GRID2: variants seen among roughly 807,000 people sequenced by gnomAD.
GRID2 encodes the protein glutamate ionotropic receptor delta type subunit 2, also known as glutamate receptor ionotropic, delta-2.
GRID2 carries 33 observed loss-of-function variants against 114.8 expected under a neutral mutation model. That is an observed-to-expected ratio of 0.29 (90% CI 0.22 to 0.38). GRID2 has a LOEUF of 0.38. GRID2 is among the 10% of genes least tolerant of loss of function. The pLI is 1.00. For synonymous variants in GRID2, 505 were observed against 449.9 expected, an observed-to-expected ratio of 1.12 and a Z score of -1.55; for missense variants, 1,184 against 1,257.7, an observed-to-expected ratio of 0.94 and a Z score of 0.89.
chr4:93,184,655 G>A (rs1560961887), intron 4 of GRID2, among the ~76,000 whole-genome samples: 1 of 152,100 alleles, frequency 6.6e-6, no homozygotes, highest in East Asian at 1.9e-4. Flanking sequence ...AGTCCAAGGT[G>A]GGCGGATCAA....
At chr4:92,882,728 T>C (rs1434450655) in intron 2 of GRID2, among the ~76,000 whole-genome samples, 1 of 152,214 alleles carries the variant, frequency 6.6e-6, no homozygotes, top group East Asian at 1.9e-4. Context: ...TCCCAGTGCA[T>C]GTGCATATAA....
rs558587238 is a variant in GRID2 at position 93,226,012 on chromosome 4, C to T, written c.1125+1237C>T. ...CATTATATGGGCATTAATCTATTTA[C>T]GAGGTGGCATCCTCATGATCTAATC... On this transcript the variant is annotated intron_variant, in intron 7 of 15. Transcript: ENST00000282020. 2.6e-5 allele frequency among the ~76,000 whole-genome samples: 4 copies of T among 152,230 alleles called. No individual in the cohort carries two copies. In the South Asian group the frequency reaches 6.2e-4, roughly 24 times the overall value.
chr4:92,340,611 GTAAA>G (rs1050294476), intron 1 of GRID2, among the ~76,000 whole-genome samples: 1 of 152,132 alleles, frequency 6.6e-6, no homozygotes, highest in African/African-American at 2.4e-5. Context: ...AAAATTCAAT[GTAAA>G]TAAATAGTTC....
chr4:92,719,905 G>A (rs1319131988), intron 2 of GRID2, among the ~76,000 whole-genome samples: 1 of 152,092 alleles, frequency 6.6e-6, no homozygotes, highest in African/African-American at 2.4e-5. Flanking sequence ...ACTAGCAATA[G>A]ATAGGTGTTC....
chr4:93,311,786 T>C (rs1352218765), intron 8 of GRID2, among the ~76,000 whole-genome samples: 2 of 152,172 alleles, frequency 1.3e-5, no homozygotes, highest in Non-Finnish European at 2.9e-5. Flanking sequence ...CAAATGATGC[T>C]TTGTGTTAAA....
intron 2 of GRID2, among the ~76,000 whole-genome samples, chr4:92,955,446 C>T (rs1752331879): frequency 6.6e-6 from 1 of 152,028 alleles, no homozygotes; most frequent in Non-Finnish European, 1.5e-5. Flanking sequence ...GTCCTTTGCC[C>T]ACTTTTTGAT....
chr4:93,000,030 G>A (rs888565183), intron 2 of GRID2, among the ~76,000 whole-genome samples: 3 of 151,600 alleles, frequency 2.0e-5, no homozygotes, highest in Admixed American at 6.6e-5. Flanking sequence ...GAGAATTTCA[G>A]TTAAATGTAA....
chr4:92,812,501 A>G lies in GRID2; in HGVS notation c.244+222215A>G, dbSNP rs866165587. ...TGAAACCATACATCATATAAATGCA[A>G]ATTTTACATGTATATTTTCATTACA... On this transcript the variant is annotated intron_variant, in intron 2 of 15. Coordinates refer to ENST00000282020, the MANE Select transcript of GRID2 (RefSeq NM_001510.4). Among the ~76,000 whole-genome samples, 32 of 152,174 alleles carry G rather than the reference A, an allele frequency of 2.1e-4. 1 individual carries two copies. The Middle Eastern group carries it at 0.01, about 49-fold the overall frequency.
intron 1 of GRID2, among the ~76,000 whole-genome samples, chr4:92,564,977 CATTGTT>C (rs1430779657): frequency 6.6e-6 from 1 of 151,798 alleles, no homozygotes; most frequent in African/African-American, 2.4e-5. Context: ...AAGTGATCAC[CATTGTT>C]ATTGGCTTTA....
intron 8 of GRID2, among the ~76,000 whole-genome samples, chr4:93,337,529 C>G (rs78990948): frequency 3.9e-3 from 601 of 152,304 alleles, no homozygotes; most frequent in Admixed American, 7.5e-3. Context: ...AATGACTGCT[C>G]TTTGCTTCGA....
At chr4:93,341,095 C>CT (rs1460489875) in intron 8 of GRID2, among the ~76,000 whole-genome samples, 3 of 151,998 alleles carry the variant, frequency 2.0e-5, no homozygotes, top group Non-Finnish European at 2.9e-5. Flanking sequence ...AGAAATCTTT[C>CT]TTTTTTCAAA....
chr4:92,943,047 C>T (rs963559065), intron 2 of GRID2, among the ~76,000 whole-genome samples: 6 of 152,072 alleles, frequency 3.9e-5, no homozygotes, highest in African/African-American at 1.4e-4. Context: ...AATTATGTGT[C>T]TTGGAGTTGC....
At chr4:93,469,444 TTTA>T (rs1211089119) in intron 11 of GRID2, among the ~76,000 whole-genome samples, 2 of 151,876 alleles carry the variant, frequency 1.3e-5, no homozygotes, top group African/African-American at 2.4e-5. Flanking sequence ...ATTGAATATT[TTTA>T]TTATTTTTAT....
At chr4:93,375,372 C>G (rs934557125) in intron 8 of GRID2, among the ~76,000 whole-genome samples, 1 of 151,898 alleles carries the variant, frequency 6.6e-6, no homozygotes, top group Non-Finnish European at 1.5e-5. Context: ...ACCACCACGC[C>G]CGGCTAATTT....
chr4:93,386,232 C>G (rs1764299159), intron 8 of GRID2, among the ~76,000 whole-genome samples: 1 of 152,118 alleles, frequency 6.6e-6, no homozygotes, highest in Non-Finnish European at 1.5e-5. Flanking sequence ...CAAATCCTAG[C>G]TATGTCATTT....
intron 2 of GRID2, among the ~76,000 whole-genome samples, chr4:92,961,567 T>C (rs1004972935): frequency 7.9e-5 from 12 of 151,572 alleles, no homozygotes; most frequent in African/African-American, 2.9e-4. Context: ...GTGCTTTTTT[T>C]CTTTCTCTCT....
chr4:93,409,094 A>ATGAC (rs1766839294), intron 9 of GRID2, among the ~76,000 whole-genome samples: 1 of 152,136 alleles, frequency 6.6e-6, no homozygotes, highest in African/African-American at 2.4e-5. Flanking sequence ...GCTCTGGAAA[A>ATGAC]TGACTTAATA....
intron 13 of GRID2, among the ~76,000 whole-genome samples, chr4:93,562,317 GC>G (rs1735008827): frequency 6.6e-6 from 1 of 151,606 alleles, no homozygotes; most frequent in Non-Finnish European, 1.5e-5. Flanking sequence ...GATGTCATAT[GC>G]CTACTTACCA....
chr4:93,181,372 A>C (rs1739879486), intron 4 of GRID2, among the ~76,000 whole-genome samples: 2 of 152,186 alleles, frequency 1.3e-5, no homozygotes, highest in African/African-American at 4.8e-5. Context: ...TACAGAGTGC[A>C]GGTAGAATAC....
Sources: allele counts gnomAD v4.1 joint callset (sites outside exome capture counted in the v4.1 genomes callset), GRCh38; gene constraint gnomAD v4.1.1; transcripts MANE v1.5; gene names NCBI Gene and HGNC (gene_info 2026-07-23, HGNC 2026-07-21).